Variants in MAST4 observed in about 807,000 individuals in gnomAD.
The protein encoded by MAST4 is microtubule associated serine/threonine kinase family member 4.
In MAST4, 89 loss-of-function variants were observed where a neutral mutation model predicts 162.7. The observed-to-expected ratio is 0.55, with a 90% CI of 0.46 to 0.65. The LOEUF (loss-of-function observed/expected upper bound fraction) is 0.65, where lower values mean the gene tolerates loss of function less well. Among genes scored for constraint, MAST4 ranks in the 30% least tolerant of loss-of-function variants. The pLI is 0.00. For synonymous variants in MAST4, 1,479 were observed against 1,361.1 expected (o/e 1.09, Z -1.91); for missense variants, 3,153 against 3,374.0 (o/e 0.93, Z 1.62).
At chr5:66,981,521 G>A (rs543996853) in intron 4 of MAST4, among the ~76,000 whole-genome samples, 70 of 152,268 alleles carry the variant, frequency 4.6e-4, no homozygotes, top group South Asian at 1.2e-3. Context: ...CAGCACCTGC[G>A]CCAGGGATTT....
chr5:67,149,497 G>C lies in MAST4; in HGVS notation c.3203G>C (p.Arg1068Pro). Residue 1068 changes from arginine to proline, a missense_variant, in exon 24 of 29, where the codon CGG becomes CCG. Around this residue, in one of 7 missense-constraint regions of MAST4, gnomAD observed 619 missense variants for 744.2 expected, o/e 0.83. Coordinates refer to ENST00000403625, the MANE Select transcript of MAST4 (RefSeq NM_001164664.2). ...AGTGAACCCGCTTCTCACATGGCTCGGCAGCGATTAGAAAGCACAGAAAAA... is the reference window on the plus strand; with the variant it reads ...AGTGAACCCGCTTCTCACATGGCTCCGCAGCGATTAGAAAGCACAGAAAAA... The part of the protein sequence containing the change: ...PSSEPASHMA[R>P]QRLESTEKKK... 1.9e-6 allele frequency: 3 copies of C among 1,613,698 alleles called. No individual in the cohort carries two copies. The highest frequency in any genetic ancestry group is 1.6e-4 in the Middle Eastern group (1 of 6,062).
At chr5:67,047,272 ACT>A (rs1189508710) in intron 4 of MAST4, among the ~76,000 whole-genome samples, 1 of 152,132 alleles carries the variant, frequency 6.6e-6, no homozygotes, top group East Asian at 1.9e-4. Context: ...CAGGGACCAG[ACT>A]CTGCACTGTG....
intron 1 of MAST4, among the ~76,000 whole-genome samples, chr5:66,754,544 A>AT (rs1157536989): frequency 1.3e-5 from 2 of 151,860 alleles, no homozygotes; most frequent in Non-Finnish European, 2.9e-5. Flanking sequence ...TGTGTTTTCT[A>AT]TTTTTTTCCT....
intron 1 of MAST4, among the ~76,000 whole-genome samples, chr5:66,618,277 T>G (rs1328180252): frequency 6.6e-6 from 1 of 152,220 alleles, no homozygotes; most frequent in Admixed American, 6.5e-5. Context: ...AGCCCCATTT[T>G]ATAGGTGAGA....
intron 1 of MAST4, among the ~76,000 whole-genome samples, chr5:66,664,802 CTG>C (rs2149465257): frequency 6.6e-6 from 1 of 151,998 alleles, no homozygotes; most frequent in East Asian, 1.9e-4. Flanking sequence ...AAAGATGAGA[CTG>C]TGAATTTTGT....
intron 3 of MAST4, among the ~76,000 whole-genome samples, chr5:66,876,491 C>T (rs1183678299): frequency 6.6e-6 from 1 of 152,046 alleles, no homozygotes; most frequent in Non-Finnish European, 1.5e-5. Context: ...CACTGCAGCT[C>T]CGAGGTCATG....
intron 19 of MAST4, among the ~76,000 whole-genome samples, chr5:67,141,555 A>G (rs1770416176): frequency 6.6e-6 from 1 of 152,226 alleles, no homozygotes. Context: ...GGAGACATTA[A>G]AAGTCTATAA....
chr5:67,078,951 T>TATATATATATATA, intron 5 of MAST4, among the ~76,000 whole-genome samples: 1 of 95,906 alleles, frequency 1.0e-5, no homozygotes, highest in Non-Finnish European at 1.8e-5. Flanking sequence ...TATATATATA[T>TATATATATATATA]GGCAATCTGA....
intron 4 of MAST4, among the ~76,000 whole-genome samples, chr5:66,918,491 T>C (rs1157911740): frequency 6.6e-6 from 1 of 152,252 alleles, no homozygotes; most frequent in Non-Finnish European, 1.5e-5. Context: ...TTTTAATTTA[T>C]ACTGTATATT....
chr5:67,139,112 C>T (rs557763880), intron 19 of MAST4, among the ~76,000 whole-genome samples: 2 of 152,312 alleles, frequency 1.3e-5, no homozygotes, highest in South Asian at 4.1e-4. Context: ...TACCCAAGCT[C>T]TTAGAATTGT....
At chr5:66,737,857 G>T (rs891121459) in intron 1 of MAST4, among the ~76,000 whole-genome samples, 11 of 152,170 alleles carry the variant, frequency 7.2e-5, no homozygotes, top group African/African-American at 2.7e-4. Flanking sequence ...GAGTGAGGCT[G>T]ATGAGGAAAG....
intron 5 of MAST4, among the ~76,000 whole-genome samples, chr5:67,078,956 A>G (rs1434933938): frequency 9.1e-6 from 1 of 110,314 alleles, no homozygotes; most frequent in Non-Finnish European, 1.7e-5. Flanking sequence ...ATATATGGCA[A>G]TCTGATGTTA....
At chr5:66,673,517 TTTTTTGTTTTTTG>T (rs1183010433) in intron 1 of MAST4, among the ~76,000 whole-genome samples, 2 of 129,480 alleles carry the variant, frequency 1.5e-5, no homozygotes, top group African/African-American at 3.1e-5. Flanking sequence ...GTTTTTTTTG[TTTTTTGTTTTTTG>T]TTTTTTTTTT....
intron 1 of MAST4, among the ~76,000 whole-genome samples, chr5:66,725,963 C>T (rs1751490595): frequency 6.6e-6 from 1 of 152,040 alleles, no homozygotes; most frequent in Non-Finnish European, 1.5e-5. Flanking sequence ...ATTTAGCTGG[C>T]ATTCCTGGTT....
intron 19 of MAST4, among the ~76,000 whole-genome samples, chr5:67,138,644 G>A (rs561881530): frequency 4.6e-5 from 7 of 152,278 alleles, no homozygotes; most frequent in African/African-American, 1.4e-4. Flanking sequence ...ATGTTGGCCA[G>A]GCTGGTCTTG....
chr5:66,666,382 G>A (rs887460611), intron 1 of MAST4, among the ~76,000 whole-genome samples: 1 of 152,196 alleles, frequency 6.6e-6, no homozygotes, highest in Admixed American at 6.5e-5. Context: ...CTGGTCATCT[G>A]TATTCTGCTG....
intron 4 of MAST4, among the ~76,000 whole-genome samples, chr5:66,997,409 A>G (rs1581145302): frequency 6.7e-6 from 1 of 150,370 alleles, no homozygotes; most frequent in African/African-American, 2.4e-5. Flanking sequence ...TTGATACCTA[A>G]TTAATGTGTT....
intron 1 of MAST4, among the ~76,000 whole-genome samples, chr5:66,666,933 AG>A (rs1747298939): frequency 6.6e-6 from 1 of 152,190 alleles, no homozygotes. Context: ...GTGTGCAACC[AG>A]GTAGCAGGGC....
chr5:66,630,279 G>C (rs1368302385), intron 1 of MAST4, among the ~76,000 whole-genome samples: 1 of 152,232 alleles, frequency 6.6e-6, no homozygotes, highest in Admixed American at 6.5e-5. Flanking sequence ...CTTGGTTATA[G>C]ACAATTAGTA....
Sources: gnomAD v4.1 joint callset for allele counts (sites outside exome capture counted in the v4.1 genomes callset) on GRCh38, gnomAD v4.1.1 for gene constraint, gnomAD v4.1.1 regional missense constraint, MANE v1.5 for transcripts, NCBI Gene and HGNC (gene_info 2026-07-23, HGNC 2026-07-21) for gene names.